Variants in KCNQ3 observed in about 807,000 individuals in gnomAD.
KCNQ3 encodes the protein potassium voltage-gated channel subfamily Q member 3, also known as potassium voltage-gated channel subfamily KQT member 3.
Under a neutral mutation model 92.5 loss-of-function variants are expected in KCNQ3, and 30 were observed. The ratio of observed to expected loss-of-function variants is 0.32; its 90% CI spans 0.24 to 0.44. The LOEUF is 0.44. Among genes scored for constraint, KCNQ3 ranks in the 20% least tolerant of loss-of-function variants. The pLI is 1.00. For missense variants in KCNQ3, 913 were observed against 1,140.3 expected, an observed-to-expected ratio of 0.80 and a Z score of 2.87; for synonymous variants, 450 against 468.8, an observed-to-expected ratio of 0.96 and a Z score of 0.52.
rs563635794 is a variant in KCNQ3 at position 132,127,216 on chromosome 8, G to A, written c.*2046C>T. On this transcript the variant is annotated 3_prime_UTR_variant, in exon 15 of 15. Coordinates refer to ENST00000388996, the MANE Select transcript of KCNQ3 (RefSeq NM_004519.4). ...TTGCCAGCATGTCAAATGGAAGCCC[G>A]TGGGGCTTCATGTCTGATGCATTGA... The A allele has an allele frequency of 2.0e-5, 3 of 152,312 alleles. No homozygotes were observed. The highest frequency in any genetic ancestry group is 4.1e-4 in the South Asian group (2 of 4,824). 9.4% of individuals were successfully genotyped at this position (152,312 alleles called of 1,614,324 possible). A position where few individuals can be genotyped will look rare whatever the true frequency, so the allele number is the denominator to read the frequency against.
At position 132,285,052 on chromosome 8, in the gene KCNQ3, T is replaced by C. The variant is rs1816639442; in HGVS notation, c.387-98871A>G. On this transcript the variant is annotated intron_variant, in intron 1 of 14. Coordinates refer to ENST00000388996, the MANE Select transcript of KCNQ3 (RefSeq NM_004519.4). Reference sequence around the variant, plus strand: ...ATAAACCTCGTTTCTGTATAAATTATTCAGTCATAGGTATTTTTTTGGTAG... The same window carrying C: ...ATAAACCTCGTTTCTGTATAAATTACTCAGTCATAGGTATTTTTTTGGTAG... Among the ~76,000 whole-genome samples the C allele has an allele frequency of 2.6e-5, 4 of 152,350 alleles. No homozygotes were observed. In the South Asian group the frequency reaches 8.3e-4, roughly 32 times the overall value.
intron 4 of KCNQ3, among the ~76,000 whole-genome samples, chr8:132,179,476 G>C (rs1362719582): frequency 1.3e-5 from 2 of 152,076 alleles, no homozygotes; most frequent in African/African-American, 4.8e-5. Context: ...TTTCTTTCTT[G>C]TCAGTGTAAT....
At chr8:132,460,658 T>C (rs1452357896) in intron 1 of KCNQ3, among the ~76,000 whole-genome samples, 1 of 152,216 alleles carries the variant, frequency 6.6e-6, no homozygotes, top group South Asian at 2.1e-4. Context: ...AATGAGGTTG[T>C]TTCATTTATT....
At chr8:132,261,485 G>A (rs1305256028) in intron 1 of KCNQ3, among the ~76,000 whole-genome samples, 1 of 152,148 alleles carries the variant, frequency 6.6e-6, no homozygotes, top group East Asian at 1.9e-4. Flanking sequence ...CTCAGCTCTG[G>A]GGAGCTTCCC....
intron 1 of KCNQ3, among the ~76,000 whole-genome samples, chr8:132,315,215 G>C (rs1817706633): frequency 1.3e-5 from 2 of 152,136 alleles, no homozygotes; most frequent in African/African-American, 4.8e-5. Context: ...AAGAATGTGG[G>C]GAAAACGAGG....
intron 1 of KCNQ3, among the ~76,000 whole-genome samples, chr8:132,464,625 G>A (rs1251978950): frequency 2.0e-5 from 3 of 152,182 alleles, no homozygotes; most frequent in Non-Finnish European, 4.4e-5. Context: ...TCATGGTCAA[G>A]GCTGTACATT....
At chr8:132,269,811 T>G (rs1383918374) in intron 1 of KCNQ3, among the ~76,000 whole-genome samples, 1 of 152,104 alleles carries the variant, frequency 6.6e-6, no homozygotes, top group Non-Finnish European at 1.5e-5. Context: ...TGACCTACCC[T>G]CTTTCTATGA....
chr8:132,288,673 A>G (rs1816748779), intron 1 of KCNQ3, among the ~76,000 whole-genome samples: 1 of 152,134 alleles, frequency 6.6e-6, no homozygotes, highest in Admixed American at 6.5e-5. Flanking sequence ...TTCATAGGGC[A>G]GTGCATTGTA....
chr8:132,187,830 GATT>G (rs1274230096), intron 1 of KCNQ3, among the ~76,000 whole-genome samples: 260 of 125,672 alleles, frequency 2.1e-3, no homozygotes, highest in African/African-American at 8.3e-3. Flanking sequence ...TGGTGGTGGT[GATT>G]GTGGTGGTGG....
chr8:132,300,181 G>A (rs1349056481), intron 1 of KCNQ3, among the ~76,000 whole-genome samples: 2 of 152,206 alleles, frequency 1.3e-5, no homozygotes, highest in African/African-American at 4.8e-5. Flanking sequence ...GGGAAAGAAA[G>A]GACAAGACAA....
At chr8:132,217,480 G>A (rs1814075205) in intron 1 of KCNQ3, among the ~76,000 whole-genome samples, 1 of 152,104 alleles carries the variant, frequency 6.6e-6, no homozygotes, top group Non-Finnish European at 1.5e-5. Flanking sequence ...GGAGGCCGAG[G>A]TGGGCGGATC....
intron 1 of KCNQ3, among the ~76,000 whole-genome samples, chr8:132,376,477 T>C (rs962709166): frequency 6.6e-6 from 1 of 152,100 alleles, no homozygotes; most frequent in African/African-American, 2.4e-5. Flanking sequence ...AATTGGGAGT[T>C]TTTTGGCAGG....
intron 9 of KCNQ3, among the ~76,000 whole-genome samples, chr8:132,154,532 G>A (rs1825747949): frequency 6.6e-6 from 1 of 152,076 alleles, no homozygotes. Flanking sequence ...TTATTCTAAT[G>A]GCAGTTAGAT....
At chr8:132,474,660 C>A (rs1407996839) in intron 1 of KCNQ3, among the ~76,000 whole-genome samples, 1 of 152,146 alleles carries the variant, frequency 6.6e-6, no homozygotes, top group Non-Finnish European at 1.5e-5. Flanking sequence ...TGCATCCATT[C>A]AGCAAATGCT....
At chr8:132,135,242 G>T (rs1825043466) in intron 12 of KCNQ3, among the ~76,000 whole-genome samples, 1 of 152,218 alleles carries the variant, frequency 6.6e-6, no homozygotes, top group African/African-American at 2.4e-5. Context: ...TCCTGCAAAA[G>T]ATATGATCTT....
Position 132,207,435 on chromosome 8 carries a change from G to A in KCNQ3, c.387-21254C>T, listed in dbSNP as rs562511860. On this transcript the variant is annotated intron_variant, in intron 1 of 14. Transcript: ENST00000388996. ...TAAGCCACTTCTTATAAGATTGCCAGCTGAGGAAGAGAGGTTCTAGGAAAA... is the reference window on the plus strand; with the variant it reads ...TAAGCCACTTCTTATAAGATTGCCAACTGAGGAAGAGAGGTTCTAGGAAAA... Among the ~76,000 whole-genome samples, 262 of 152,298 alleles carry A rather than the reference G, an allele frequency of 1.7e-3. 2 individuals carry two copies. Among genetic ancestry groups the A allele is most frequent in the Non-Finnish European group, 2.6e-3 (179 of 68,026 alleles).
intron 1 of KCNQ3, among the ~76,000 whole-genome samples, chr8:132,437,105 C>T (rs1821414225): frequency 6.6e-6 from 1 of 151,568 alleles, no homozygotes; most frequent in South Asian, 2.1e-4. Context: ...CGGTGAAACC[C>T]CGTCTCTACT....
intron 1 of KCNQ3, among the ~76,000 whole-genome samples, chr8:132,350,722 G>A (rs949432483): frequency 2.0e-5 from 3 of 152,070 alleles, no homozygotes; most frequent in East Asian, 1.9e-4. Flanking sequence ...CATTCCTCAC[G>A]CACGTGAGTC....
intron 1 of KCNQ3, among the ~76,000 whole-genome samples, chr8:132,373,489 ACTT>A (rs34894528): frequency 0.17 from 25,419 of 151,990 alleles, 2,474 homozygotes; most frequent in East Asian, 0.36. Flanking sequence ...CTTGACATGT[ACTT>A]CTTTGTCTAA....
Sources: gnomAD v4.1 joint callset for allele counts (sites outside exome capture counted in the v4.1 genomes callset) on GRCh38, gnomAD v4.1.1 for gene constraint, MANE v1.5 for transcripts, NCBI Gene and HGNC (gene_info 2026-07-23, HGNC 2026-07-21) for gene names.